LARP4: variants seen among roughly 807,000 people sequenced by gnomAD.
The protein encoded by LARP4 is la-related protein 4.
Under a neutral mutation model 92.9 loss-of-function variants are expected in LARP4, and 29 were observed. The ratio of observed to expected loss-of-function variants is 0.31; its 90% CI spans 0.23 to 0.43. The LOEUF is 0.43. Ranked by LOEUF, LARP4 falls within the 20% of genes least tolerant of loss-of-function variation. The probability of loss-of-function intolerance (pLI) is 1.00; values close to 1 mark genes in which losing one functional copy is unlikely to be tolerated. For synonymous variants in LARP4, 279 were observed against 284.1 expected, an observed-to-expected ratio of 0.98 and a Z score of 0.18; for missense variants, 732 against 860.0, an observed-to-expected ratio of 0.85 and a Z score of 1.86.
At chr12:50,462,758 C>A in intron 12 of LARP4, 128 bp downstream of exon 12, 2 of 625,954 alleles carry the variant, frequency 3.2e-6, no homozygotes, top group Non-Finnish European at 5.4e-6. Flanking sequence ...TAAATAGAGC[C>A]TAAATTTAAC....
intron 12 of LARP4, among the ~76,000 whole-genome samples, chr12:50,464,442 G>A (rs1487801096): frequency 3.9e-5 from 6 of 152,232 alleles, no homozygotes; most frequent in Non-Finnish European, 8.8e-5. Flanking sequence ...CCAGGCTAGA[G>A]TGCAAATGGC....
chr12:50,437,342 T>A (rs551772626), intron 5 of LARP4, among the ~76,000 whole-genome samples: 1 of 152,260 alleles, frequency 6.6e-6, no homozygotes, highest in African/African-American at 2.4e-5. Context: ...GATTTCATTA[T>A]ACTCCTCAAC....
At chr12:50,432,009 G>T (rs540129631) in intron 4 of LARP4, among the ~76,000 whole-genome samples, 1 of 152,220 alleles carries the variant, frequency 6.6e-6, no homozygotes, top group African/African-American at 2.4e-5. Flanking sequence ...GTGGTAGCGT[G>T]GCCCTGTAGT....
At chr12:50,447,007 T>C (rs1024355787) in intron 8 of LARP4, among the ~76,000 whole-genome samples, 5 of 152,228 alleles carry the variant, frequency 3.3e-5, no homozygotes, top group African/African-American at 1.2e-4. Flanking sequence ...GGTAATTTTA[T>C]GCTTTCACAT....
At chr12:50,425,312 G>T (rs1346455187) in intron 1 of LARP4, among the ~76,000 whole-genome samples, 3 of 151,992 alleles carry the variant, frequency 2.0e-5, no homozygotes. Context: ...GATCAATATT[G>T]TACTCTTTGT....
rs957659476 is a variant in LARP4, at chr12:50,453,534, C to T, written c.879C>T (p.His293=). Residue 293 remains histidine, a synonymous_variant, in exon 9 of 16, where the codon CAC becomes CAT. Coordinates refer to ENST00000398473, the MANE Select transcript of LARP4 (RefSeq NM_052879.5). ...YRLMDSSIYS[H]PIQTQAQYAS... is the part of the protein sequence containing the mutation. ...TAATGGATTCTAGTATCTATAGTCA[C>T]CCCATTCAAACTCAAGCACAGTATG... 6.2e-7 allele frequency: 1 copy of T among 1,612,884 alleles called. No homozygotes were observed. Among genetic ancestry groups the T allele is most frequent in the Non-Finnish European group, 8.5e-7 (1 of 1,179,012 alleles).
chr12:50,443,217 T>C (rs1321223078), intron 8 of LARP4, among the ~76,000 whole-genome samples: 3 of 152,228 alleles, frequency 2.0e-5, no homozygotes, highest in East Asian at 1.9e-4. Context: ...TTTCAGATTC[T>C]CTGTTTTCTT....
chr12:50,451,868 T>C (rs1049519514), intron 8 of LARP4, among the ~76,000 whole-genome samples: 1 of 150,636 alleles, frequency 6.6e-6, no homozygotes, highest in Non-Finnish European at 1.5e-5. Context: ...GCCGGGCGTG[T>C]TGGTGGGTGC....
intron 1 of LARP4, chr12:50,420,782 G>T (rs7295610): frequency 6.6e-6 from 1 of 151,938 alleles, no homozygotes; most frequent in Non-Finnish European, 1.5e-5. Context: ...GATATCCTTT[G>T]GGTAGGCGGT....
chr12:50,407,129 G>T (rs1453149401), intron 1 of LARP4, among the ~76,000 whole-genome samples: 1 of 151,942 alleles, frequency 6.6e-6, no homozygotes. Flanking sequence ...GGGTTCAAGC[G>T]ATTCTTCTGC....
Position 50,475,812 on chromosome 12 carries a change from T to G in LARP4, c.2123T>G (p.Val708Gly). ...AGCCATAGGGCTATACCTCAGGGAGTGACTCGACGTAATGGCAAAGAGCAA... is the reference window on the plus strand; with the variant it reads ...AGCCATAGGGCTATACCTCAGGGAGGGACTCGACGTAATGGCAAAGAGCAA... Reference protein sequence around the residue: ...QFSHRAIPQGVTRRNGKEQYV... With the variant: ...QFSHRAIPQGGTRRNGKEQYV... Residue 708 changes from valine (V) to glycine (G), a missense_variant, in exon 16 of 16, where the codon GTG becomes GGG. Val to Gly is a moderately radical substitution (Grantham distance 109). This residue lies in a region of LARP4 where 115 missense variants were observed against 129.1 expected (regional missense o/e 0.89). Coordinates refer to ENST00000398473, the MANE Select transcript of LARP4 (RefSeq NM_052879.5). The G allele has an allele frequency of 4.3e-6, 7 of 1,613,792 alleles. No individual in the cohort carries two copies. The highest frequency in any genetic ancestry group is 5.9e-6 in the Non-Finnish European group (7 of 1,179,950).
chr12:50,429,631 TTTG>T (rs1178036286), intron 3 of LARP4, among the ~76,000 whole-genome samples: 2 of 152,050 alleles, frequency 1.3e-5, no homozygotes, highest in African/African-American at 2.4e-5. Context: ...TTGGTGTTTT[TTTG>T]TTGTTGTTTT....
chr12:50,436,170 GTA>G (rs1318545196), intron 5 of LARP4, among the ~76,000 whole-genome samples: 114 of 61,714 alleles, frequency 1.8e-3, no homozygotes, highest in Admixed American at 3.2e-3. Context: ...GTGTGTGTGT[GTA>G]TGTATATATA....
At chr12:50,404,504 G>A (rs1333953220) in intron 1 of LARP4, among the ~76,000 whole-genome samples, 2 of 152,036 alleles carry the variant, frequency 1.3e-5, no homozygotes, top group African/African-American at 2.4e-5. Flanking sequence ...GGAATGAGCC[G>A]TGATTGTGCC....
intron 1 of LARP4, among the ~76,000 whole-genome samples, chr12:50,405,869 T>C (rs1321232210): frequency 6.6e-6 from 1 of 152,216 alleles, no homozygotes; most frequent in East Asian, 1.9e-4. Context: ...GTAGCACCTA[T>C]GCACATCTTT....
chr12:50,434,816 G>A (rs1159454845), intron 4 of LARP4, among the ~76,000 whole-genome samples: 2 of 151,768 alleles, frequency 1.3e-5, no homozygotes, highest in Non-Finnish European at 2.9e-5. Flanking sequence ...AGGCTGAGGC[G>A]GATGGATCAC....
intron 1 of LARP4, among the ~76,000 whole-genome samples, chr12:50,416,611 G>A (rs1396987320): frequency 1.3e-5 from 2 of 152,164 alleles, no homozygotes; most frequent in Non-Finnish European, 2.9e-5. Flanking sequence ...TAGAGCCTGG[G>A]AGGCAGAGGC....
chr12:50,452,277 A>T (rs1354085806), intron 8 of LARP4, among the ~76,000 whole-genome samples: 3 of 151,714 alleles, frequency 2.0e-5, no homozygotes, highest in African/African-American at 7.3e-5. Flanking sequence ...GCGGTGGCAC[A>T]ATTTCAGCTC....
chr12:50,400,959 G>A lies in LARP4; in HGVS notation c.-52G>A. 6.2e-7 allele frequency: 1 copy of A among 1,613,988 alleles called. No homozygotes were observed. The highest frequency in any genetic ancestry group is 8.5e-7 in the Non-Finnish European group (1 of 1,179,888). ...CCTAGCAATTGGGGCGCGGGCCTGT[G>A]AGCCAGTTGGAGTTGCGGCGGCGGG... On this transcript the variant is annotated 5_prime_UTR_variant, in exon 1 of 16. Transcript: ENST00000398473.
Sources: gnomAD v4.1 joint callset for allele counts (sites outside exome capture counted in the v4.1 genomes callset) on GRCh38, gnomAD v4.1.1 for gene constraint, gnomAD v4.1.1 regional missense constraint, MANE v1.5 for transcripts, NCBI Gene and HGNC (gene_info 2026-07-23, HGNC 2026-07-21) for gene names.